Variants in CMC1 observed in about 807,000 individuals in gnomAD.
CMC1 encodes COX assembly mitochondrial protein homolog.
CMC1 carries 14 observed loss-of-function variants against 14.1 expected under a neutral mutation model. That is an observed-to-expected ratio of 0.99 (90% CI 0.66 to 1.55). The LOEUF is 1.55. CMC1 is among the 40% of genes most tolerant of loss of function. CMC1 has a pLI of 0.00. For synonymous variants in CMC1, 50 were observed against 38.4 expected (o/e 1.30, Z -1.12); for missense variants, 127 against 123.8 (o/e 1.03, Z -0.12).
At chr3:28,272,651 T>A (rs989175963) in intron 2 of CMC1, among the ~76,000 whole-genome samples, 6 of 152,138 alleles carry the variant, frequency 3.9e-5, no homozygotes, top group Admixed American at 1.3e-4. Context: ...TTCACATTGA[T>A]CTTCATCAGG....
At chr3:28,279,668 A>C (rs76758515) in intron 2 of CMC1, among the ~76,000 whole-genome samples, 1 of 151,846 alleles carries the variant, frequency 6.6e-6, no homozygotes, top group Non-Finnish European at 1.5e-5. Flanking sequence ...AAAAAAAAAA[A>C]CTGACATAAA....
At chr3:28,265,573 T>C (rs900462639) in intron 2 of CMC1, among the ~76,000 whole-genome samples, 1 of 152,164 alleles carries the variant, frequency 6.6e-6, no homozygotes, top group African/African-American at 2.4e-5. Flanking sequence ...GACTTTCTGC[T>C]AAATGCCTAA....
intron 1 of CMC1, among the ~76,000 whole-genome samples, chr3:28,258,130 C>CT (rs1474480273): frequency 4.1e-5 from 6 of 145,340 alleles, no homozygotes; most frequent in Non-Finnish European, 9.0e-5. Flanking sequence ...CCATTCAAGC[C>CT]TTTTGTCCAT....
At chr3:28,269,175 G>T (rs1240788757) in intron 2 of CMC1, among the ~76,000 whole-genome samples, 10 of 152,156 alleles carry the variant, frequency 6.6e-5, no homozygotes, top group Admixed American at 6.5e-4. Flanking sequence ...GCAGTGTCAG[G>T]CATCCACTAG....
At chr3:28,266,941 C>T (rs563946163) in intron 2 of CMC1, among the ~76,000 whole-genome samples, 1 of 152,020 alleles carries the variant, frequency 6.6e-6, no homozygotes, top group Non-Finnish European at 1.5e-5. Context: ...GAAGGAAAAC[C>T]CTAGAATGGC....
chr3:28,262,677 G>T, intron 1 of CMC1, among the ~76,000 whole-genome samples: 1 of 152,006 alleles, frequency 6.6e-6, no homozygotes, highest in Admixed American at 6.6e-5. Flanking sequence ...TTCACTGAAG[G>T]CACTTATCCT....
Position 28,325,137 on chromosome 3 carries a change from A to C in CMC1, c.*5508A>C, listed in dbSNP as rs1231114703. On this transcript the variant is annotated 3_prime_UTR_variant, in exon 4 of 4. Coordinates refer to ENST00000466830, the MANE Select transcript of CMC1 (RefSeq NM_182523.2). ...AATGTAGGTAAAGTAAAAAAAAAAA[A>C]AAAAACAGCCAAAAAAAAAAAGTTT... The C allele has an allele frequency of 1.3e-5, 2 of 150,236 alleles. No individual in the cohort carries two copies. Among genetic ancestry groups the C allele is most frequent in the African/African-American group, 2.4e-5 (1 of 41,154 alleles). The allele number at this position is 150,236 out of a possible 1,614,324, so 9.3% of individuals were successfully genotyped here. A position where few individuals can be genotyped will look rare whatever the true frequency, so the allele number is the denominator to read the frequency against.
intron 2 of CMC1, among the ~76,000 whole-genome samples, chr3:28,298,825 G>A (rs1406355444): frequency 6.6e-6 from 1 of 151,982 alleles, no homozygotes; most frequent in Non-Finnish European, 1.5e-5. Flanking sequence ...AGATGGGTCA[G>A]TATGTTCTGT....
Position 28,242,620 on chromosome 3 carries a change from A to G in CMC1, c.19+808A>G, listed in dbSNP as rs183072131. Among the ~76,000 whole-genome samples the G allele has an allele frequency of 9.2e-5, 14 of 152,328 alleles. No individual in the cohort carries two copies. The East Asian group carries it at 1.9e-3, about 21-fold the overall frequency. On this transcript the variant is annotated intron_variant, in intron 1 of 3. Transcript: ENST00000466830. ...CACAGAAATAATGTTTTAATTGAAC[A>G]TGTTATTACCATGCTAAGTGTTCTC...
At chr3:28,270,544 A>G (rs997695989) in intron 2 of CMC1, among the ~76,000 whole-genome samples, 5 of 152,028 alleles carry the variant, frequency 3.3e-5, no homozygotes, top group African/African-American at 9.7e-5. Flanking sequence ...TGTTGGTAGC[A>G]TAAAGGTCTT....
chr3:28,310,797 C>A (rs182625358), intron 2 of CMC1, among the ~76,000 whole-genome samples: 1 of 152,196 alleles, frequency 6.6e-6, no homozygotes, highest in Non-Finnish European at 1.5e-5. Flanking sequence ...GTGGAAGACA[C>A]TTTTCCAGTG....
intron 2 of CMC1, among the ~76,000 whole-genome samples, chr3:28,287,280 TGTCTGGATTAGTAA>T (rs1251152607): frequency 6.6e-6 from 1 of 152,154 alleles, no homozygotes; most frequent in East Asian, 1.9e-4. Context: ...CTGGCATCTT[TGTCTGGATTAGTAA>T]GACTATTTCT....
Position 28,246,149 on chromosome 3 carries a change from ATCT to A in CMC1, c.19+4342_19+4344del, listed in dbSNP as rs1226804223. On this transcript the variant is annotated intron_variant, in intron 1 of 3. Coordinates refer to ENST00000466830, the MANE Select transcript of CMC1 (RefSeq NM_182523.2). ...ATTATTGCCGCCATATCTCTAGAGT[ATCT>A]TCTTAGACATAAATTACGTTGGTGG... Among the ~76,000 whole-genome samples, 4 of 151,908 alleles carry A rather than the reference ATCT, an allele frequency of 2.6e-5. No individual in the cohort carries two copies. In the East Asian group the frequency reaches 7.7e-4, roughly 29 times the overall value.
chr3:28,317,462 C>T (rs1392944381), intron 3 of CMC1: 1 of 151,894 alleles, frequency 6.6e-6, no homozygotes, highest in East Asian at 1.9e-4. Flanking sequence ...GTTCTATTCT[C>T]AAGTGCTTCC....
intron 2 of CMC1, among the ~76,000 whole-genome samples, chr3:28,284,518 T>C (rs999588591): frequency 1.3e-5 from 2 of 152,206 alleles, no homozygotes; most frequent in Non-Finnish European, 2.9e-5. Flanking sequence ...AATTGCATTT[T>C]TTTTCCCAAA....
intron 2 of CMC1, among the ~76,000 whole-genome samples, chr3:28,300,080 T>A (rs1363936825): frequency 6.6e-6 from 1 of 152,106 alleles, no homozygotes; most frequent in African/African-American, 2.4e-5. Flanking sequence ...ATAACATGTC[T>A]GTTATTTCCT....
At chr3:28,292,606 T>A (rs1314809080) in intron 2 of CMC1, 4 of 152,188 alleles carry the variant, frequency 2.6e-5, no homozygotes, top group Admixed American at 2.6e-4. Context: ...TCTGGATAAA[T>A]TTAAATATTT....
chr3:28,269,024 CACTTA>C (rs998031181), intron 2 of CMC1, among the ~76,000 whole-genome samples: 6 of 152,266 alleles, frequency 3.9e-5, no homozygotes, highest in African/African-American at 1.4e-4. Context: ...AGACCATATT[CACTTA>C]ACTTTTATTG....
At position 28,323,499 on chromosome 3, in the gene CMC1, C is replaced by T. The variant is rs1703258020; in HGVS notation, c.*3870C>T. Reference sequence around the variant, plus strand: ...ACAAAACACTGTGACCAAAAAATCACTTTAAATCTTAAATATTGAAACGCA... The same window carrying T: ...ACAAAACACTGTGACCAAAAAATCATTTTAAATCTTAAATATTGAAACGCA... On this transcript the variant is annotated 3_prime_UTR_variant, in exon 4 of 4. Transcript: ENST00000466830. 1 of 151,312 alleles carries T rather than the reference C, an allele frequency of 6.6e-6. No homozygotes were observed. The highest frequency in any genetic ancestry group is 2.4e-5 in the African/African-American group (1 of 41,242). The allele number at this position is 151,312 out of a possible 1,614,324, so 9.4% of individuals were successfully genotyped here. A position where few individuals can be genotyped will look rare whatever the true frequency, so the allele number is the denominator to read the frequency against.
Sources: gnomAD v4.1 joint callset for allele counts (sites outside exome capture counted in the v4.1 genomes callset) on GRCh38, gnomAD v4.1.1 for gene constraint, MANE v1.5 for transcripts, NCBI Gene and HGNC (gene_info 2026-07-23, HGNC 2026-07-21) for gene names.